The following NINJ2 variants were observed in gnomAD, a reference collection of about 807,000 sequenced individuals.
NINJ2 encodes the protein ninjurin 2, also known as ninjurin-2.
A neutral mutation model predicts 11.7 loss-of-function variants in NINJ2; 12 were observed. The observed-to-expected ratio is 1.02, with a 90% CI of 0.66 to 1.66. The LOEUF (loss-of-function observed/expected upper bound fraction) is 1.66. Ranked by LOEUF, NINJ2 falls within the 40% of genes most tolerant of loss-of-function variation. The pLI, the probability that NINJ2 is intolerant of heterozygous loss-of-function variation, is 0.00. For missense variants in NINJ2, 187 were observed against 181.8 expected (o/e 1.03, Z -0.16); for synonymous variants, 93 against 76.8 (o/e 1.21, Z -1.10).
intron 2 of NINJ2, 72 bp downstream of exon 2, chr12:565,878 G>C (rs575586605): frequency 7.5e-7 from 1 of 1,326,276 alleles, no homozygotes; most frequent in Non-Finnish European, 1.1e-6. Context: ...GGTGGCCCAG[G>C]GGACACGTGG....
intron 2 of NINJ2, 176 bp downstream of exon 2, chr12:565,774 C>A: frequency 1.5e-6 from 1 of 689,474 alleles, no homozygotes; most frequent in Non-Finnish European, 2.6e-6. Flanking sequence ...AGGGCGCCTG[C>A]CCTCGCGGGG....
intron 1 of NINJ2, among the ~76,000 whole-genome samples, chr12:654,222 G>A (rs1383959156): frequency 1.3e-5 from 2 of 151,914 alleles, no homozygotes; most frequent in South Asian, 2.1e-4. Context: ...AGACACATAC[G>A]GATTAAAAGT....
At chr12:587,558 A>T (rs901268098) in intron 1 of NINJ2, among the ~76,000 whole-genome samples, 25 of 152,218 alleles carry the variant, frequency 1.6e-4, no homozygotes, top group Non-Finnish European at 3.5e-4. Flanking sequence ...TGACCAGTGA[A>T]GTTCTACAGC....
At chr12:584,071 C>T (rs1947599501) in intron 1 of NINJ2, among the ~76,000 whole-genome samples, 1 of 151,432 alleles carries the variant, frequency 6.6e-6, no homozygotes, top group Non-Finnish European at 1.5e-5. Flanking sequence ...AAAAAAAAAC[C>T]CAAAATGTTA....
intron 1 of NINJ2, among the ~76,000 whole-genome samples, chr12:582,161 C>T (rs1254104052): frequency 6.6e-6 from 1 of 152,278 alleles, no homozygotes; most frequent in Non-Finnish European, 1.5e-5. Flanking sequence ...TCCCGCAGCT[C>T]TTAGGCCAGA....
intron 1 of NINJ2, among the ~76,000 whole-genome samples, chr12:649,453 C>T (rs1937752714): frequency 6.6e-6 from 1 of 150,542 alleles, no homozygotes; most frequent in Admixed American, 6.7e-5. Context: ...GAGATGCCTA[C>T]TTATACATAA....
At position 588,786 on chromosome 12, in the gene NINJ2, C is replaced by A. The variant is rs181777725; in HGVS notation, c.34-22608G>T. Reference sequence around the variant, plus strand: ...GAAAAACTGAGTACAAACAAGCAAGCCCCTGAAGAAACATCACAAATCTGT... The same window carrying A: ...GAAAAACTGAGTACAAACAAGCAAGACCCTGAAGAAACATCACAAATCTGT... On this transcript the variant is annotated intron_variant, in intron 1 of 3. Transcript: ENST00000305108. Among the ~76,000 whole-genome samples, 96 of 152,272 alleles carry A rather than the reference C, an allele frequency of 6.3e-4. 1 individual carries two copies. The highest frequency in any genetic ancestry group is 4.4e-4 in the Non-Finnish European group (30 of 68,020).
chr12:601,409 G>T (rs368600797), intron 1 of NINJ2, among the ~76,000 whole-genome samples: 1 of 151,018 alleles, frequency 6.6e-6, no homozygotes, highest in Non-Finnish European at 1.5e-5. Flanking sequence ...TTAGCCAGGC[G>T]TGGTGGCGGG....
rs987455197 is a variant in NINJ2, at chr12:653,115, G to T, written c.33+10213C>A. ...GGCTCACTGCAAGCTCCACATCCCA[G>T]GTTCACACCATTCTCCTGCCTCAGC... On this transcript the variant is annotated intron_variant, in intron 1 of 3. Coordinates refer to ENST00000305108, the MANE Select transcript of NINJ2 (RefSeq NM_016533.6). 1.3e-4 allele frequency among the ~76,000 whole-genome samples: 18 copies of T among 139,306 alleles called. 1 individual carries two copies. The South Asian group carries it at 3.7e-3, about 28-fold the overall frequency. The allele number at this position is 139,306 out of a possible 152,430, so 91.4% of individuals were successfully genotyped here. A position where few individuals can be genotyped will look rare whatever the true frequency, so the allele number is the denominator to read the frequency against.
intron 1 of NINJ2, among the ~76,000 whole-genome samples, chr12:652,450 G>A (rs78388225): frequency 3.4e-4 from 52 of 152,256 alleles, no homozygotes; most frequent in African/African-American, 1.2e-3. Context: ...GGAAAATGAA[G>A]CTGGGCATGG....
chr12:583,861 A>G (rs1479167703), intron 1 of NINJ2, among the ~76,000 whole-genome samples: 1 of 152,164 alleles, frequency 6.6e-6, no homozygotes, highest in Non-Finnish European at 1.5e-5. Context: ...GTCACCTACT[A>G]AAAATGGGGA....
chr12:581,203 G>A lies in NINJ2; in HGVS notation c.34-15025C>T, dbSNP rs988445165. Among the ~76,000 whole-genome samples the A allele has an allele frequency of 1.2e-4, 18 of 151,976 alleles. No individual in the cohort carries two copies. Among genetic ancestry groups the A allele is most frequent in the East Asian group, 7.7e-4 (4 of 5,192 alleles). On this transcript the variant is annotated intron_variant, in intron 1 of 3. Coordinates refer to ENST00000305108, the MANE Select transcript of NINJ2 (RefSeq NM_016533.6). This position sits in a 1 kb window ranked among gnomAD's most constrained non-coding sequence, Gnocchi z 4.9. The stretch of plus-strand genomic sequence containing the variant: ...TGTGTGTGTGTCTGTCTCTGTGTGC[G>A]TGTGTGTGTCTATTGTCCCTGAGCT...
intron 1 of NINJ2, among the ~76,000 whole-genome samples, chr12:623,001 G>A (rs187998828): frequency 6.6e-6 from 1 of 152,264 alleles, no homozygotes; most frequent in East Asian, 1.9e-4. Flanking sequence ...CATGGAACTT[G>A]TAATGAGACC....
intron 1 of NINJ2, among the ~76,000 whole-genome samples, chr12:597,026 C>A (rs1249607112): frequency 1.3e-5 from 2 of 152,060 alleles, no homozygotes; most frequent in Non-Finnish European, 2.9e-5. Context: ...AATTAAAAGT[C>A]ACGTCATAAC....
chr12:624,766 G>A (rs1467668024), intron 1 of NINJ2, among the ~76,000 whole-genome samples: 6 of 142,944 alleles, frequency 4.2e-5, no homozygotes, highest in Non-Finnish European at 9.0e-5. Context: ...CCGAGATTGC[G>A]CCACTGCACT....
At chr12:565,440 G>T in intron 2 of NINJ2, 39 bp from the exon 3 acceptor site, 1 of 1,601,776 alleles carries the variant, frequency 6.2e-7, no homozygotes. Flanking sequence ...GTCAGAGACG[G>T]GGCCACAGCA....
intron 1 of NINJ2, among the ~76,000 whole-genome samples, chr12:619,890 A>C (rs1948132864): frequency 6.6e-6 from 1 of 152,208 alleles, no homozygotes; most frequent in Admixed American, 6.5e-5. Flanking sequence ...TCTAAGCTTC[A>C]GTTTCCTCAT....
intron 1 of NINJ2, among the ~76,000 whole-genome samples, chr12:602,072 G>A (rs1947881320): frequency 2.6e-5 from 4 of 152,178 alleles, no homozygotes; most frequent in Non-Finnish European, 5.9e-5. Context: ...AATGTCCCGT[G>A]TGGTGATGAC....
At position 635,664 on chromosome 12, in the gene NINJ2, T is replaced by G. The variant is rs146564239; in HGVS notation, c.33+27664A>C. On this transcript the variant is annotated intron_variant, in intron 1 of 3. Transcript: ENST00000305108. ...ACACGGGGAAAAATCTTCATGACATTGGACTTCACAATGATTTCTAGAATA... is the reference window on the plus strand; with the variant it reads ...ACACGGGGAAAAATCTTCATGACATGGGACTTCACAATGATTTCTAGAATA... 2.0e-5 allele frequency among the ~76,000 whole-genome samples: 3 copies of G among 152,292 alleles called. No individual in the cohort carries two copies. In the East Asian group the frequency reaches 5.8e-4, roughly 29 times the overall value.
Sources: allele counts gnomAD v4.1 joint callset (sites outside exome capture counted in the v4.1 genomes callset), GRCh38; gene constraint gnomAD v4.1.1; non-coding constraint Gnocchi (gnomAD v3.1); transcripts MANE v1.5; gene names NCBI Gene and HGNC (gene_info 2026-07-23, HGNC 2026-07-21).